Variants in ZNF320 observed in about 807,000 individuals in gnomAD.
ZNF320 encodes zinc finger gene 320.
ZNF320 carries 2 observed loss-of-function variants against 6.8 expected under a neutral mutation model. The observed-to-expected ratio is 0.29, with a 90% confidence interval of 0.12 to 0.93. The LOEUF (loss-of-function observed/expected upper bound fraction) is 0.93, where lower values mean the gene tolerates loss of function less well. Ranked by LOEUF, ZNF320 falls within the 40% of genes least tolerant of loss-of-function variation. ZNF320 has a pLI of 0.55. For missense variants in ZNF320, 472 were observed against 611.0 expected, an observed-to-expected ratio of 0.77 and a Z score of 2.40; for synonymous variants, 208 against 203.2, an observed-to-expected ratio of 1.02 and a Z score of -0.20.
chr19:52,901,846 G>C (rs1025815759), upstream of ZNF320, among the ~76,000 whole-genome samples: 1 of 152,194 alleles, frequency 6.6e-6, no homozygotes, highest in Non-Finnish European at 1.5e-5. Flanking sequence ...ACCTCGTCTA[G>C]TTGTTTTGAG....
intron 5 of ZNF320, among the ~76,000 whole-genome samples, chr19:52,886,673 C>T (rs563791393): frequency 2.3e-4 from 35 of 152,174 alleles, no homozygotes; most frequent in African/African-American, 7.7e-4. Flanking sequence ...TGGCAGCTCG[C>T]GCCTGTAATC....
At chr19:52,883,440 A>G (rs572314147) in intron 5 of ZNF320, among the ~76,000 whole-genome samples, 2 of 152,298 alleles carry the variant, frequency 1.3e-5, no homozygotes, top group African/African-American at 2.4e-5. Flanking sequence ...GAAGAAAATA[A>G]TAAGTCAATT....
intron 5 of ZNF320, chr19:52,865,464 T>TAATAC (rs2063529231): frequency 2.3e-5 from 1 of 44,340 alleles, no homozygotes; most frequent in Non-Finnish European, 5.5e-5. Context: ...AATACATATA[T>TAATAC]ATATATTACA....
downstream of ZNF320, among the ~76,000 whole-genome samples, chr19:52,860,206 C>G (rs1432977756): frequency 6.6e-6 from 1 of 152,170 alleles, no homozygotes; most frequent in Admixed American, 6.5e-5. Context: ...GCCACTGCAC[C>G]TGGCCTGTTT....
chr19:52,870,734 C>A (rs1361041554), intron 5 of ZNF320, among the ~76,000 whole-genome samples: 2 of 152,012 alleles, frequency 1.3e-5, no homozygotes, highest in African/African-American at 4.8e-5. Context: ...CTACTGTACT[C>A]CAGCCTGGGC....
intron 3 of ZNF320, among the ~76,000 whole-genome samples, chr19:52,890,994 A>G (rs1363356511): frequency 1.3e-5 from 2 of 152,080 alleles, no homozygotes; most frequent in African/African-American, 4.8e-5. Context: ...CTTACTAAAA[A>G]TACAAAAAGT....
chr19:52,874,491 A>T (rs1300172009), downstream of ZNF320, among the ~76,000 whole-genome samples: 1 of 152,178 alleles, frequency 6.6e-6, no homozygotes, highest in African/African-American at 2.4e-5. Context: ...GTGGGTTTAA[A>T]TCTATGATAA....
At chr19:52,867,317 C>T (rs1442089866) in intron 5 of ZNF320, among the ~76,000 whole-genome samples, 3 of 152,052 alleles carry the variant, frequency 2.0e-5, no homozygotes, top group Non-Finnish European at 2.9e-5. Context: ...CCTGCCTCAG[C>T]CTCCCAAGTA....
At chr19:52,875,641 C>T (rs11666058), downstream of ZNF320, among the ~76,000 whole-genome samples, 55,804 of 151,716 alleles carry the variant, frequency 0.37, 11,105 homozygotes, top group Non-Finnish European at 0.46. Flanking sequence ...ATTAGCCAGG[C>T]GTGGTGGTGT....
chr19:52,870,709 T>C (rs146727155), intron 5 of ZNF320, among the ~76,000 whole-genome samples: 1 of 152,108 alleles, frequency 6.6e-6, no homozygotes, highest in Non-Finnish European at 1.5e-5. Context: ...GAGGCTACAG[T>C]GAGCCTAAAT....
rs2063890104 is a variant in ZNF320, at chr19:52,880,756, A to G, written c.1370T>C (p.Ile457Thr). 3 of 1,613,806 alleles carry G rather than the reference A, an allele frequency of 1.9e-6. No homozygotes were observed. The highest frequency in any genetic ancestry group is 2.5e-6 in the Non-Finnish European group (3 of 1,179,866). ...TCCAGTATGGATTCTCTGATGCCTAATAAGGTGTGAAGGTGAATTAAAGGC... is the reference window on the plus strand; with the variant it reads ...TCCAGTATGGATTCTCTGATGCCTAGTAAGGTGTGAAGGTGAATTAAAGGC... ...GKAFNSPSHLIRHQRIHTGQK... is the reference protein window; with the variant it reads ...GKAFNSPSHLTRHQRIHTGQK... Residue 457 changes from isoleucine to threonine, a missense_variant, in exon 6 of 6, where the codon ATT (isoleucine) becomes ACT (threonine). By Grantham distance (89) the Ile-to-Thr change is moderately conservative. Coordinates refer to ENST00000682928, the MANE Select transcript of ZNF320 (RefSeq NM_001351774.2).
At chr19:52,887,990 C>A (rs990319651) in intron 5 of ZNF320, 137 bp downstream of exon 5, 50 of 1,422,898 alleles carry the variant, frequency 3.5e-5, no homozygotes, top group Non-Finnish European at 4.2e-5. Flanking sequence ...CCAGATGCTA[C>A]ATCATGAAGC....
downstream of ZNF320, among the ~76,000 whole-genome samples, chr19:52,874,749 G>A (rs1260649079): frequency 1.3e-5 from 2 of 152,112 alleles, no homozygotes; most frequent in African/African-American, 4.8e-5. Flanking sequence ...ATGTCATATG[G>A]GGGCTGTGGG....
intron 4 of ZNF320, among the ~76,000 whole-genome samples, chr19:52,889,183 A>G (rs1489164728): frequency 2.1e-5 from 3 of 144,824 alleles, no homozygotes; most frequent in African/African-American, 5.0e-5. Flanking sequence ...ACTCCGTCTC[A>G]AAAAAAAAAG....
chr19:52,903,885 T>G, the ZNF320 span, among the ~76,000 whole-genome samples: 1 of 152,160 alleles, frequency 6.6e-6, no homozygotes, highest in Admixed American at 6.5e-5. Flanking sequence ...TATCTAACAA[T>G]TCAAATCAAG....
intron 5 of ZNF320, among the ~76,000 whole-genome samples, chr19:52,868,227 C>G (rs1192748337): frequency 6.6e-6 from 1 of 152,122 alleles, no homozygotes. Flanking sequence ...CTGGAGGCAT[C>G]CAGGCGCAGT....
intron 5 of ZNF320, among the ~76,000 whole-genome samples, chr19:52,886,114 T>A (rs1257167764): frequency 1.3e-5 from 2 of 152,028 alleles, no homozygotes; most frequent in Non-Finnish European, 2.9e-5. Context: ...GTAGTTTTTG[T>A]AGGTTATGGA....
At chr19:52,890,187 C>G in intron 4 of ZNF320, 54 bp downstream of exon 4, 1 of 1,599,204 alleles carries the variant, frequency 6.3e-7, no homozygotes, top group East Asian at 2.2e-5. Flanking sequence ...ACTCCAGGCG[C>G]CAGCATTTCT....
chr19:52,867,559 G>C (rs1034715783), intron 5 of ZNF320, among the ~76,000 whole-genome samples: 1 of 152,036 alleles, frequency 6.6e-6, no homozygotes, highest in African/African-American at 2.4e-5. Flanking sequence ...AGATAATTTG[G>C]TCATGGGTGT....
Sources: gnomAD v4.1 joint callset for allele counts (sites outside exome capture counted in the v4.1 genomes callset) on GRCh38, gnomAD v4.1.1 for gene constraint, MANE v1.5 for transcripts, NCBI Gene and HGNC (gene_info 2026-07-23, HGNC 2026-07-21) for gene names.